The following NBEAL2 variants were observed in gnomAD, a reference collection of about 807,000 sequenced individuals.
NBEAL2 encodes the protein neurobeachin like 2, also known as neurobeachin-like protein 2.
In NBEAL2, 160 loss-of-function variants were observed where a neutral mutation model predicts 299.8. That is an observed-to-expected ratio of 0.53 (90% CI 0.47 to 0.61). NBEAL2 has a LOEUF of 0.61. Among genes scored for constraint, NBEAL2 ranks in the 20% least tolerant of loss-of-function variants. The probability of loss-of-function intolerance (pLI) is 0.00; values close to 1 mark genes in which losing one functional copy is unlikely to be tolerated. For synonymous variants in NBEAL2, 1,493 were observed against 1,542.3 expected, an observed-to-expected ratio of 0.97 and a Z score of 0.75; for missense variants, 3,112 against 3,649.0, an observed-to-expected ratio of 0.85 and a Z score of 3.79.
chr3:47,009,398 C>A lies in NBEAL2; in HGVS notation c.*78C>A. 1 of 1,404,260 alleles carries A rather than the reference C, an allele frequency of 7.1e-7. No individual in the cohort carries two copies. The highest frequency in any genetic ancestry group is 9.7e-7 in the Non-Finnish European group (1 of 1,029,204). 87.0% of individuals were successfully genotyped at this position (1,404,260 alleles called of 1,614,324 possible). On this transcript the variant is annotated 3_prime_UTR_variant, in exon 54 of 54. Transcript: ENST00000450053. ...GGCCCCGCCCAGAAGTCGGCGGGAA[C>A]ACCCCGGGGTGGGCAGCCCAGGGGG...
Position 46,988,787 on chromosome 3 carries a change from A to T in NBEAL2, c.140+30A>T. 6.2e-7 allele frequency: 1 copy of T among 1,608,330 alleles called. No individual in the cohort carries two copies. Among genetic ancestry groups the T allele is most frequent in the South Asian group, 1.1e-5 (1 of 90,958 alleles). ...GGCTGGATCTGCACTGAGGGCAGGG[A>T]CAGAGCAGGGAGATTGAGGGGTCCT... On this transcript the variant is annotated intron_variant, in intron 2 of 53. Coordinates refer to ENST00000450053, the MANE Select transcript of NBEAL2 (RefSeq NM_015175.3). The surrounding 1 kb of genome is among the most constrained non-coding windows in gnomAD (Gnocchi z 4.4).
Position 47,002,216 on chromosome 3 carries a change from C to T in NBEAL2, c.5079C>T (p.Gly1693=). 4 of 1,536,506 alleles carry T rather than the reference C, an allele frequency of 2.6e-6. No homozygotes were observed. Among genetic ancestry groups the T allele is most frequent in the Non-Finnish European group, 3.5e-6 (4 of 1,139,192 alleles). Residue 1693 remains glycine, a synonymous_variant, in exon 31 of 54, where the codon GGC becomes GGT. Coordinates refer to ENST00000450053, the MANE Select transcript of NBEAL2 (RefSeq NM_015175.3). ...TGCCCTCCCTGCCACCCACCAATGG[C>T]AGCCCCACCTTCTTTGAAGACTTCC... ...WGLPSLPPTN[G]SPTFFEDFQA... is the part of the protein sequence containing the mutation.
chr3:47,005,064 G>A lies in NBEAL2; in HGVS notation c.6387G>A (p.Val2129=). The A allele has an allele frequency of 1.2e-6, 2 of 1,613,746 alleles. No homozygotes were observed. Among genetic ancestry groups the A allele is most frequent in the Non-Finnish European group, 1.7e-6 (2 of 1,179,836 alleles). ...FRDLSKPIGV[V]NPKHAQLVRE... ...ACCTGTCTAAGCCCATCGGTGTGGT[G>A]AACCCCAAGCATGCCCAGCTCGTGA... Residue 2129 remains valine, a synonymous_variant, in exon 39 of 54, where the codon GTG becomes GTA. Transcript: ENST00000450053.
rs376577563 is a variant in NBEAL2, at chr3:46,994,111, C to A, written c.1197+91C>A. Reference sequence around the variant, plus strand: ...AACAGGCCTGGCCGGTGGCCATAAGCATCCTGCTCCCTGGAGCAAAGCAGG... The same window carrying A: ...AACAGGCCTGGCCGGTGGCCATAAGAATCCTGCTCCCTGGAGCAAAGCAGG... On this transcript the variant is annotated intron_variant, in intron 11 of 53. Transcript: ENST00000450053. 54 of 1,314,722 alleles carry A rather than the reference C, an allele frequency of 4.1e-5. No homozygotes were observed. In the African/African-American group the frequency reaches 7.0e-4, roughly 17 times the overall value. The allele number at this position is 1,314,722 out of a possible 1,614,324, so 81.4% of individuals were successfully genotyped here. A position where few individuals can be genotyped will look rare whatever the true frequency, so the allele number is the denominator to read the frequency against.
Position 46,995,603 on chromosome 3 carries a change from C to T in NBEAL2, c.1868C>T (p.Thr623Ile). 6.2e-7 allele frequency: 1 copy of T among 1,611,968 alleles called. No homozygotes were observed. Among genetic ancestry groups the T allele is most frequent in the Non-Finnish European group, 8.5e-7 (1 of 1,179,198 alleles). Residue 623 changes from threonine to isoleucine, a missense_variant, in exon 13 of 54, where the codon ACC becomes ATC. By Grantham distance (89) the Thr-to-Ile change is moderately conservative. Transcript: ENST00000450053. The stretch of plus-strand genomic sequence containing the variant: ...GATACAGCACCTACCCCTGCCCCCA[C>T]CCGACCACTCCAGCGAAAGCAGCTG... The part of the protein sequence containing the change: ...PMDTAPTPAP[T>I]RPLQRKQLYS...
chr3:46,983,312 T>TC (rs2035476540), intron 1 of NBEAL2, among the ~76,000 whole-genome samples: 1 of 1,740 alleles, frequency 5.7e-4, no homozygotes, highest in African/African-American at 6.8e-4. Flanking sequence ...GTCATATTCC[T>TC]TTTTTTTTTT....
intron 11 of NBEAL2, among the ~76,000 whole-genome samples, 159 bp downstream of exon 11, chr3:46,994,179 G>A (rs930358562): frequency 3.9e-5 from 6 of 152,214 alleles, no homozygotes. Context: ...TCACTGGGCA[G>A]GTGTGGTCGC....
At position 46,988,600 on chromosome 3, in the gene NBEAL2, C is replaced by A; in HGVS notation, c.52-69C>A. 1 of 1,220,606 alleles carries A rather than the reference C, an allele frequency of 8.2e-7. No homozygotes were observed. The highest frequency in any genetic ancestry group is 1.2e-6 in the Non-Finnish European group (1 of 860,504). The allele number at this position is 1,220,606 out of a possible 1,614,324, so 75.6% of individuals were successfully genotyped here. A position where few individuals can be genotyped will look rare whatever the true frequency, so the allele number is the denominator to read the frequency against. ...ATTCATTCTTCGCCTCTGTCTACAT[C>A]CCCTTGTCCCTGCCCTGTTTACTGC... On this transcript the variant is annotated intron_variant, in intron 1 of 53. Transcript: ENST00000450053. The surrounding 1 kb of genome is among the most constrained non-coding windows in gnomAD (Gnocchi z 4.4).
intron 47 of NBEAL2, 40 bp downstream of exon 47, chr3:47,007,390 C>T (rs1218949438): frequency 6.4e-7 from 1 of 1,566,676 alleles, no homozygotes; most frequent in Admixed American, 1.9e-5. Context: ...CTACAAATGC[C>T]CTGCACCCGG....
intron 9 of NBEAL2, 96 bp downstream of exon 9, chr3:46,992,042 G>A: frequency 9.0e-7 from 1 of 1,111,048 alleles, no homozygotes; most frequent in Non-Finnish European, 1.3e-6. Flanking sequence ...ACATGGGCTG[G>A]ACAGAGTCAG....
At position 47,004,957 on chromosome 3, in the gene NBEAL2, C is replaced by T. The variant is rs770406033; in HGVS notation, c.6295-15C>T. 11 of 1,598,412 alleles carry T rather than the reference C, an allele frequency of 6.9e-6. No homozygotes were observed. Among genetic ancestry groups the T allele is most frequent in the East Asian group, 4.6e-5 (2 of 43,910 alleles). ...TCAGGGCCCTCATGCAGCCCCTGCT[C>T]GGGTGGGTGGCCAGTTCCCCTGGGT... On this transcript the variant is annotated splice_polypyrimidine_tract_variant and intron_variant, in intron 38 of 53. Transcript: ENST00000450053. This position sits in a 1 kb window ranked among gnomAD's most constrained non-coding sequence, Gnocchi z 5.0.
In NBEAL2 at chr3:47,004,368, T is replaced by G. The variant is rs775803831; in HGVS notation, c.6173T>G (p.Met2058Arg). 1 of 1,598,186 alleles carries G rather than the reference T, an allele frequency of 6.3e-7. No homozygotes were observed. Among genetic ancestry groups the G allele is most frequent in the East Asian group, 2.2e-5 (1 of 44,706 alleles). ...CTAAGCAGCCGCTCCCCCCAGGAGA[T>G]GCTGCGTGCCTCAGGCCTTACCCAG... ...GYLSSRSPQE[M>R]LRASGLTQKW... The change falls in exon 37 of 54, where the codon ATG (methionine) becomes AGG (arginine). Residue 2058 changes from methionine to arginine, a missense_variant. By Grantham distance (91) the Met-to-Arg change is moderately conservative (BLOSUM62 -1). Transcript: ENST00000450053. The surrounding 1 kb of genome is among the most constrained non-coding windows in gnomAD (Gnocchi z 5.0).
chr3:47,007,496 C>T, intron 47 of NBEAL2, 29 bp from the exon 48 acceptor site: 1 of 1,597,230 alleles, frequency 6.3e-7, no homozygotes, highest in Non-Finnish European at 8.5e-7. Flanking sequence ...GTGGCCTGGC[C>T]TCACTTGCTA....
chr3:47,001,403 G>C lies in NBEAL2; in HGVS notation c.4609G>C (p.Glu1537Gln). 1 of 1,613,060 alleles carries C rather than the reference G, an allele frequency of 6.2e-7. No individual in the cohort carries two copies. ...LRLLQDFLCA[E>Q]GHGNQELWSE... ...TCTGCTGCAGGACTTCCTGTGTGCTGAAGGCCATGGTAACCAGGAACTGTG... is the reference window on the plus strand; with the variant it reads ...TCTGCTGCAGGACTTCCTGTGTGCTCAAGGCCATGGTAACCAGGAACTGTG... Residue 1537 changes from glutamate (E) to glutamine (Q), a missense_variant, in exon 29 of 54, where the codon GAA becomes CAA. This residue lies in a region of NBEAL2 where 2,243 missense variants were observed against 2,538.1 expected (regional missense o/e 0.88). Transcript: ENST00000450053. This position sits in a 1 kb window ranked among gnomAD's most constrained non-coding sequence, Gnocchi z 6.1.
chr3:46,999,135 C>A lies in NBEAL2; in HGVS notation c.3543+18C>A. 1.3e-6 allele frequency: 2 copies of A among 1,556,434 alleles called. No homozygotes were observed. Among genetic ancestry groups the A allele is most frequent in the Non-Finnish European group, 1.7e-6 (2 of 1,147,524 alleles). On this transcript the variant is annotated intron_variant, in intron 24 of 53. Transcript: ENST00000450053. ...TCTGCAAGGTACACCCAGCCCACCCCCTCCCCTGGCATCCCATTCACTGGG... is the reference window on the plus strand; with the variant it reads ...TCTGCAAGGTACACCCAGCCCACCCACTCCCCTGGCATCCCATTCACTGGG...
Position 47,003,787 on chromosome 3 carries a change from A to G in NBEAL2, c.5721-29A>G. On this transcript the variant is annotated intron_variant, in intron 35 of 53. Coordinates refer to ENST00000450053, the MANE Select transcript of NBEAL2 (RefSeq NM_015175.3). This position sits in a 1 kb window ranked among gnomAD's most constrained non-coding sequence, Gnocchi z 7.0. ...TGTGAAGAAGGGGGTCCCAGAGCCT[A>G]CAGCGTGAGGTGGGTTGCTGGTCTT... The G allele has an allele frequency of 6.4e-7, 1 of 1,559,380 alleles. No homozygotes were observed. The highest frequency in any genetic ancestry group is 8.7e-7 in the Non-Finnish European group (1 of 1,150,726).
rs975887860 is a variant in NBEAL2, at chr3:47,001,586, A to G, written c.4645-103A>G. 3.8e-6 allele frequency: 6 copies of G among 1,573,794 alleles called. No individual in the cohort carries two copies. The South Asian group carries it at 6.8e-5, about 18-fold the overall frequency. On this transcript the variant is annotated intron_variant, in intron 29 of 53. Coordinates refer to ENST00000450053, the MANE Select transcript of NBEAL2 (RefSeq NM_015175.3). The surrounding 1 kb of genome is among the most constrained non-coding windows in gnomAD (Gnocchi z 6.1). ...TGTGAGTGTGGACTTGCCTGTGTGCACAAACCCTACCTGGCCCCCAGCGCA... is the reference window on the plus strand; with the variant it reads ...TGTGAGTGTGGACTTGCCTGTGTGCGCAAACCCTACCTGGCCCCCAGCGCA...
intron 22 of NBEAL2, 74 bp downstream of exon 22, chr3:46,998,639 G>C: frequency 6.4e-7 from 1 of 1,560,956 alleles, no homozygotes. Flanking sequence ...TGGGCGGTGC[G>C]CTTCCCTGAC....
chr3:46,991,132 C>T lies in NBEAL2; in HGVS notation c.557-87C>T, dbSNP rs1459598131. 17 of 1,224,554 alleles carry T rather than the reference C, an allele frequency of 1.4e-5. No individual in the cohort carries two copies. Among genetic ancestry groups the T allele is most frequent in the Middle Eastern group, 1.9e-4 (1 of 5,352 alleles). The allele number at this position is 1,224,554 out of a possible 1,614,324, so 75.9% of individuals were successfully genotyped here. ...TGGCCCAGCTCCCTCTCCCCTCCAC[C>T]CCAGGGCACTCACCTCTTGTGCAGC... On this transcript the variant is annotated intron_variant, in intron 6 of 53. Coordinates refer to ENST00000450053, the MANE Select transcript of NBEAL2 (RefSeq NM_015175.3). This position sits in a 1 kb window ranked among gnomAD's most constrained non-coding sequence, Gnocchi z 6.2.
Sources: gnomAD v4.1 joint callset for allele counts (sites outside exome capture counted in the v4.1 genomes callset) on GRCh38, gnomAD v4.1.1 for gene constraint, gnomAD v4.1.1 regional missense constraint, Gnocchi (gnomAD v3.1) non-coding constraint, MANE v1.5 for transcripts, NCBI Gene and HGNC (gene_info 2026-07-23, HGNC 2026-07-21) for gene names.